NXPE4: variants seen among roughly 807,000 people sequenced by gnomAD.
The protein encoded by NXPE4 is neurexophilin and PC-esterase domain family member 4.
In NXPE4, 42 loss-of-function variants were observed where a neutral mutation model predicts 33.3. The observed-to-expected ratio is 1.26, with a 90% confidence interval of 0.98 to 1.63. The LOEUF (loss-of-function observed/expected upper bound fraction) is 1.63. Among genes scored for constraint, NXPE4 ranks in the 40% most tolerant of loss-of-function variants. The pLI, the probability that NXPE4 is intolerant of heterozygous loss-of-function variation, is 0.00. For missense variants in NXPE4, 709 were observed against 647.6 expected (o/e 1.09, Z -1.03); for synonymous variants, 253 against 234.9 (o/e 1.08, Z -0.71).
chr11:114,620,896 C>G, the NXPE4 span, among the ~76,000 whole-genome samples: 1 of 152,128 alleles, frequency 6.6e-6, no homozygotes, highest in Admixed American at 6.6e-5. Context: ...CACGGGTAAC[C>G]ACAGTTACCC....
At chr11:114,591,590 A>C (rs1048983204) in intron 2 of NXPE4, among the ~76,000 whole-genome samples, 12 of 152,266 alleles carry the variant, frequency 7.9e-5, no homozygotes, top group African/African-American at 2.9e-4. Context: ...CCCCTGCAAA[A>C]ATAGAATGGG....
upstream of NXPE4, chr11:114,595,805 A>C (rs991604082): frequency 6.6e-6 from 1 of 152,270 alleles, no homozygotes; most frequent in Non-Finnish European, 1.5e-5. Flanking sequence ...CGTCAGCTCC[A>C]CCTTAAGGAG....
the NXPE4 span, among the ~76,000 whole-genome samples, chr11:114,611,247 G>T: frequency 5.3e-5 from 8 of 151,564 alleles, no homozygotes; most frequent in African/African-American, 1.7e-4. Context: ...TCAATAATAG[G>T]TATTGCTTCT....
upstream of NXPE4, among the ~76,000 whole-genome samples, chr11:114,598,539 A>G (rs1006315512): frequency 1.3e-5 from 2 of 152,220 alleles, no homozygotes; most frequent in Non-Finnish European, 2.9e-5. Flanking sequence ...ATCCTCTGAA[A>G]TCTAAGTAGA....
intron 5 of NXPE4, among the ~76,000 whole-genome samples, chr11:114,579,429 G>T (rs1199066707): frequency 1.3e-5 from 2 of 152,136 alleles, no homozygotes; most frequent in African/African-American, 4.8e-5. Flanking sequence ...GAAACACCAG[G>T]CAGGGAAAAT....
At chr11:114,619,510 A>T in the NXPE4 span, among the ~76,000 whole-genome samples, 1 of 151,840 alleles carries the variant, frequency 6.6e-6, no homozygotes, top group Non-Finnish European at 1.5e-5. Flanking sequence ...CCTCGTGGGT[A>T]ACCACTGTTA....
chr11:114,651,211 A>G, the NXPE4 span, among the ~76,000 whole-genome samples: 2 of 152,164 alleles, frequency 1.3e-5, no homozygotes, highest in Admixed American at 1.3e-4. Flanking sequence ...ACAGTTCTTA[A>G]AGATGGTGTG....
Position 114,582,796 on chromosome 11 carries a change from G to A in NXPE4, c.322C>T (p.Arg108Ter), listed in dbSNP as rs377657848. Residue 108 changes from arginine (R) to a stop codon, truncating the protein, a stop_gained, in exon 3 of 6, where the codon CGA (arginine) becomes TGA (stop). Transcript: ENST00000375478. LOFTEE classifies it high-confidence loss of function. ...TGGTCTCCCCTGCAGTACGTATCTC[G>A]AGGGTTGAGGATGGTGGCTGTGCTA... Reference protein sequence around the residue: ...THSTATILNPRDTYCRGDQLH... With the variant: ...THSTATILNP 1.2e-5 allele frequency: 19 copies of A among 1,614,112 alleles called. No individual in the cohort carries two copies. Among genetic ancestry groups the A allele is most frequent in the Admixed American group, 1.7e-5 (1 of 60,028 alleles).
chr11:114,651,364 C>T, the NXPE4 span, among the ~76,000 whole-genome samples: 8 of 151,190 alleles, frequency 5.3e-5, no homozygotes, highest in East Asian at 1.4e-3. Context: ...GTTTGTTCCT[C>T]CTGGTGGGTT....
the NXPE4 span, among the ~76,000 whole-genome samples, chr11:114,640,569 A>C: frequency 1.3e-5 from 2 of 151,772 alleles, no homozygotes; most frequent in African/African-American, 4.8e-5. Context: ...TTACACTCCC[A>C]CCCACAATGC....
chr11:114,654,050 G>A, the NXPE4 span, among the ~76,000 whole-genome samples: 7 of 152,168 alleles, frequency 4.6e-5, no homozygotes, highest in Non-Finnish European at 1.0e-4. Flanking sequence ...GTTATGTTTG[G>A]TAATGACAAT....
the NXPE4 span, among the ~76,000 whole-genome samples, chr11:114,632,186 AAATG>A: frequency 7.1e-6 from 1 of 141,320 alleles, no homozygotes; most frequent in African/African-American, 2.6e-5. Context: ...TATAATAAAT[AAATG>A]ATCATATATA....
At chr11:114,616,042 C>T in the NXPE4 span, among the ~76,000 whole-genome samples, 41 of 151,186 alleles carry the variant, frequency 2.7e-4, no homozygotes, top group Middle Eastern at 3.5e-3. Context: ...CACTCTTACC[C>T]GGTGGATAAT....
the NXPE4 span, among the ~76,000 whole-genome samples, chr11:114,641,528 T>C: frequency 6.6e-6 from 1 of 152,078 alleles, no homozygotes; most frequent in East Asian, 1.9e-4. Flanking sequence ...GGGAAATATG[T>C]AACTGTACAT....
rs770050833 is a variant in NXPE4, at chr11:114,580,161, C to A, written c.1070G>T (p.Trp357Leu). 6.2e-7 allele frequency: 1 copy of A among 1,614,032 alleles called. No homozygotes were observed. The highest frequency in any genetic ancestry group is 8.5e-7 in the Non-Finnish European group (1 of 1,179,912). The change falls in exon 5 of 6, where the codon TGG becomes TTG. Residue 357 changes from tryptophan (W) to leucine (L), a missense_variant. Coordinates refer to ENST00000375478, the MANE Select transcript of NXPE4 (RefSeq NM_001077639.2). The stretch of plus-strand genomic sequence containing the variant: ...GATACTGGCTTTGAAGTATTCCATC[C>A]ACTGGCGGATCGTGGAATCTCCCAT... Reference protein sequence around the residue: ...YLMGDSTIRQWMEYFKASINT... With the variant: ...YLMGDSTIRQLMEYFKASINT...
At chr11:114,639,837 TAAATATA>T in the NXPE4 span, among the ~76,000 whole-genome samples, 1 of 113,626 alleles carries the variant, frequency 8.8e-6, no homozygotes, top group Non-Finnish European at 1.6e-5. Context: ...TATATTATAT[TAAATATA>T]AAATATAATA....
At chr11:114,651,882 C>T in the NXPE4 span, among the ~76,000 whole-genome samples, 1 of 152,106 alleles carries the variant, frequency 6.6e-6, no homozygotes, top group African/African-American at 2.4e-5. Flanking sequence ...GCCCAGCTGG[C>T]TTCACCTCTC....
the NXPE4 span, among the ~76,000 whole-genome samples, chr11:114,619,970 C>T: frequency 6.6e-6 from 1 of 151,952 alleles, no homozygotes; most frequent in African/African-American, 2.4e-5. Flanking sequence ...TCGTGAGTAA[C>T]CACTGTTACC....
rs372840780 is a variant in NXPE4 at position 114,571,110 on chromosome 11, C to A, written c.1463G>T (p.Ser488Ile). 1.2e-6 allele frequency: 2 copies of A among 1,613,854 alleles called. No individual in the cohort carries two copies. Among genetic ancestry groups the A allele is most frequent in the African/African-American group, 2.7e-5 (2 of 74,904 alleles). Reference sequence around the variant, plus strand: ...ATATTGAATGTAACCATGAAAGTCACTAAATCTTTCTGCATCATTGTACAT... The same window carrying A: ...ATATTGAATGTAACCATGAAAGTCAATAAATCTTTCTGCATCATTGTACAT... ...REMYNDAERF[S>I]DFHGYIQYLI... Residue 488 changes from serine to isoleucine, a missense_variant, in exon 6 of 6, where the codon AGT becomes ATT. Physicochemically the swap from Ser to Ile is moderately radical, Grantham distance 142 (BLOSUM62 -2). Transcript: ENST00000375478.
Sources: allele counts gnomAD v4.1 joint callset (sites outside exome capture counted in the v4.1 genomes callset), GRCh38; gene constraint gnomAD v4.1.1; transcripts MANE v1.5; gene names NCBI Gene and HGNC (gene_info 2026-07-23, HGNC 2026-07-21).